Variants in RAPGEF5 observed in about 807,000 individuals in gnomAD.
RAPGEF5 encodes the protein M-Ras-regulated GEF.
In RAPGEF5, 65 loss-of-function variants were observed where a neutral mutation model predicts 125.2. That is an observed-to-expected ratio of 0.52 (90% CI 0.43 to 0.64). The LOEUF is 0.64. RAPGEF5 is among the 30% of genes least tolerant of loss of function. The pLI is 0.00. For synonymous variants in RAPGEF5, 391 were observed against 385.9 expected, an observed-to-expected ratio of 1.01 and a Z score of -0.16; for missense variants, 958 against 1,048.1, an observed-to-expected ratio of 0.91 and a Z score of 1.19.
chr7:22,157,212 C>T (rs1265162187), intron 15 of RAPGEF5, among the ~76,000 whole-genome samples: 1 of 152,216 alleles, frequency 6.6e-6, no homozygotes, highest in Non-Finnish European at 1.5e-5. Flanking sequence ...CCCATTCCAA[C>T]ATTAACCTAT....
chr7:22,165,343 TTATAAG>T (rs1322733207), intron 12 of RAPGEF5, among the ~76,000 whole-genome samples: 2 of 152,212 alleles, frequency 1.3e-5, no homozygotes, highest in Non-Finnish European at 2.9e-5. Flanking sequence ...ATCTCATTTG[TTATAAG>T]TATATTTTAT....
At position 22,315,448 on chromosome 7, in the gene RAPGEF5, C is replaced by A; in HGVS notation, c.311G>T (p.Gly104Val). ...GATAATAATATTCCTCAATGCTCTT[C>A]CTGCACAAGAAGAATTCTCTCCATA... ...QIYGENSSCA[G>V]RALRNIIIVQ... The change falls in exon 3 of 26, where the codon GGA becomes GTA. Residue 104 changes from glycine (G) to valine (V), a missense_variant. Coordinates refer to ENST00000665637, the MANE Select transcript of RAPGEF5 (RefSeq NM_012294.5). The A allele has an allele frequency of 6.6e-7, 1 of 1,514,174 alleles. No individual in the cohort carries two copies. The highest frequency in any genetic ancestry group is 1.3e-5 in the South Asian group (1 of 77,856). 93.8% of individuals were successfully genotyped at this position (1,514,174 alleles called of 1,614,324 possible).
At chr7:22,162,952 C>T in intron 12 of RAPGEF5, 1 of 457,830 alleles carries the variant, frequency 2.2e-6, no homozygotes, top group Non-Finnish European at 4.4e-6. Context: ...GTCTAGTCCT[C>T]AGAAATTCAC....
intron 6 of RAPGEF5, among the ~76,000 whole-genome samples, chr7:22,273,228 T>C (rs1782479749): frequency 7.0e-6 from 1 of 143,766 alleles, no homozygotes; most frequent in Non-Finnish European, 1.5e-5. Flanking sequence ...TTTTTTTTTT[T>C]TTTTTTTTGA....
chr7:22,353,608 T>C (rs1171506508), intron 1 of RAPGEF5, among the ~76,000 whole-genome samples: 1 of 152,176 alleles, frequency 6.6e-6, no homozygotes, highest in Non-Finnish European at 1.5e-5. Context: ...TCTCTCATAA[T>C]CTCTGTTATA....
At chr7:22,179,585 G>A (rs1784611481) in intron 11 of RAPGEF5, among the ~76,000 whole-genome samples, 1 of 152,136 alleles carries the variant, frequency 6.6e-6, no homozygotes, top group African/African-American at 2.4e-5. Context: ...TTCCCAGAAG[G>A]TTAAGGCATC....
At chr7:22,352,718 T>C (rs986136371) in intron 1 of RAPGEF5, among the ~76,000 whole-genome samples, 1 of 152,228 alleles carries the variant, frequency 6.6e-6, no homozygotes, top group African/African-American at 2.4e-5. Context: ...ATTACTCTGA[T>C]AGTTGGTAAA....
chr7:22,146,793 C>T, intron 19 of RAPGEF5, 104 bp downstream of exon 19: 2 of 1,332,766 alleles, frequency 1.5e-6, no homozygotes, highest in Non-Finnish European at 1.0e-6. Context: ...TCTTTTGGAC[C>T]ACGTTATTCT....
chr7:22,297,717 G>A (rs962806370), intron 5 of RAPGEF5, among the ~76,000 whole-genome samples: 1 of 152,176 alleles, frequency 6.6e-6, no homozygotes, highest in African/African-American at 2.4e-5. Context: ...CATCTGCAAG[G>A]AGAGATGGCT....
Position 22,315,426 on chromosome 7 carries a change from A to G in RAPGEF5, c.333T>C (p.Ile111=). Residue 111 remains isoleucine, a synonymous_variant, in exon 3 of 26, where the codon ATT becomes ATC. Coordinates refer to ENST00000665637, the MANE Select transcript of RAPGEF5 (RefSeq NM_012294.5). ...SCAGRALRNI[I]IVQAADLIKD... ...TTATCAGGTCAGCTGCTTGAACGAT[A>G]ATAATATTCCTCAATGCTCTTCCTG... is the stretch of plus-strand genomic sequence containing the variant. The G allele has an allele frequency of 2.0e-6, 3 of 1,535,386 alleles. No homozygotes were observed. Among genetic ancestry groups the G allele is most frequent in the Admixed American group, 2.1e-5 (1 of 47,926 alleles).
Position 22,210,664 on chromosome 7 carries a change from G to A in RAPGEF5, c.996+9202C>T, listed in dbSNP as rs910751903. Among the ~76,000 whole-genome samples the A allele has an allele frequency of 3.9e-5, 6 of 152,218 alleles. No homozygotes were observed. In the South Asian group the frequency reaches 8.3e-4, roughly 21 times the overall value. The stretch of plus-strand genomic sequence containing the variant: ...CTTTACTCTGACTCACTTTGCCTCA[G>A]TCGTGCCCAGTCATTCCTGGAACCT... On this transcript the variant is annotated intron_variant, in intron 9 of 25. Coordinates refer to ENST00000665637, the MANE Select transcript of RAPGEF5 (RefSeq NM_012294.5).
At chr7:22,187,666 G>C (rs1452162095) in intron 11 of RAPGEF5, among the ~76,000 whole-genome samples, 2 of 152,202 alleles carry the variant, frequency 1.3e-5, no homozygotes, top group African/African-American at 4.8e-5. Flanking sequence ...AGGACTGGCA[G>C]TGTAGGTTTG....
Position 22,219,951 on chromosome 7 carries a change from C to A in RAPGEF5, c.911G>T (p.Gly304Val). ...MCKLQERDEI[G>V]RIELVQKLAK... ...CAGCTTCTGGACTAGTTCAATTCGTCCGATTTCATCTCTTTCCTGGAGCTT... is the reference window on the plus strand; with the variant it reads ...CAGCTTCTGGACTAGTTCAATTCGTACGATTTCATCTCTTTCCTGGAGCTT... The change falls in exon 9 of 26, where the codon GGA (glycine) becomes GTA (valine). Residue 304 changes from glycine (G) to valine (V), a missense_variant. Transcript: ENST00000665637. The A allele has an allele frequency of 6.2e-7, 1 of 1,613,600 alleles. No individual in the cohort carries two copies. Among genetic ancestry groups the A allele is most frequent in the Non-Finnish European group, 8.5e-7 (1 of 1,179,670 alleles).
intron 20 of RAPGEF5, among the ~76,000 whole-genome samples, chr7:22,143,100 T>C (rs1447331699): frequency 6.6e-6 from 1 of 152,194 alleles, no homozygotes; most frequent in Non-Finnish European, 1.5e-5. Flanking sequence ...AATTTCCCAC[T>C]TATCCACATA....
Position 22,198,130 on chromosome 7 carries a change from A to T in RAPGEF5, c.997-4097T>A, listed in dbSNP as rs1005349589. On this transcript the variant is annotated intron_variant, in intron 9 of 25. Transcript: ENST00000665637. ...TGGTCTTGAACTTCTGAGCTCAAGC[A>T]ATCTGCCCACCTCAGTCTCCCAAAG... 1.6e-4 allele frequency among the ~76,000 whole-genome samples: 24 copies of T among 152,276 alleles called. 1 individual carries two copies. The highest frequency in any genetic ancestry group is 1.2e-3 in the Admixed American group (18 of 15,284).
chr7:22,162,981 C>G (rs1784054995), intron 12 of RAPGEF5: 1 of 457,252 alleles, frequency 2.2e-6, no homozygotes, highest in Non-Finnish European at 4.4e-6. Context: ...AAACCAGGTG[C>G]TTCTAAAGTA....
rs371583113 is a variant in RAPGEF5, at chr7:22,154,501, C to T, written c.1740G>A (p.Gln580=). Residue 580 remains glutamine, a synonymous_variant, in exon 17 of 26, where the codon CAG becomes CAA. Transcript: ENST00000665637. ...EILKVVAEKI[Q]YAEEDLALVA... is the part of the protein sequence containing the mutation. ...CCAGAGCCAGATCCTCTTCTGCATA[C>T]TGGATCTTTTCTGCCACGACTTTTA... 5 of 1,613,776 alleles carry T rather than the reference C, an allele frequency of 3.1e-6. No homozygotes were observed. In the Admixed American group the frequency reaches 5.0e-5, roughly 16 times the overall value.
At chr7:22,132,432 T>C (rs1782943221) in intron 23 of RAPGEF5, among the ~76,000 whole-genome samples, 1 of 152,010 alleles carries the variant, frequency 6.6e-6, no homozygotes, top group African/African-American at 2.4e-5. Flanking sequence ...GATTCACAAC[T>C]AATTACACAG....
intron 19 of RAPGEF5, among the ~76,000 whole-genome samples, chr7:22,146,099 A>G (rs886236481): frequency 6.6e-6 from 1 of 152,156 alleles, no homozygotes; most frequent in African/African-American, 2.4e-5. Context: ...GAAGGAATTC[A>G]GTACTTGCTC....
Sources: allele counts gnomAD v4.1 joint callset (sites outside exome capture counted in the v4.1 genomes callset), GRCh38; gene constraint gnomAD v4.1.1; transcripts MANE v1.5; gene names NCBI Gene and HGNC (gene_info 2026-07-23, HGNC 2026-07-21).